Variants in GHR observed in about 807,000 individuals in gnomAD.
GHR encodes GH receptor.
A neutral mutation model predicts 67.1 loss-of-function variants in GHR; 35 were observed. That is an observed-to-expected ratio of 0.52 (90% CI 0.40 to 0.69). GHR has a LOEUF of 0.69. GHR is among the 30% of genes least tolerant of loss of function. The pLI, the probability that GHR is intolerant of heterozygous loss-of-function variation, is 0.00. For synonymous variants in GHR, 272 were observed against 269.1 expected, an observed-to-expected ratio of 1.01 and a Z score of -0.10; for missense variants, 792 against 764.6, an observed-to-expected ratio of 1.04 and a Z score of -0.42.
chr5:42,551,016 AGG>A (rs1454686066), intron 1 of GHR, among the ~76,000 whole-genome samples: 1 of 152,198 alleles, frequency 6.6e-6, no homozygotes, highest in East Asian at 1.9e-4. Context: ...GATGTTCCTG[AGG>A]TGGAAAGAGA....
chr5:42,514,135 A>G (rs1051777994), intron 1 of GHR: 1 of 984,692 alleles, frequency 1.0e-6, no homozygotes, highest in Admixed American at 6.1e-5. Flanking sequence ...TGGCTAAAAT[A>G]AAACATTTGC....
chr5:42,521,545 C>T (rs1020554633), intron 1 of GHR, among the ~76,000 whole-genome samples: 1 of 152,218 alleles, frequency 6.6e-6, no homozygotes, highest in Non-Finnish European at 1.5e-5. Context: ...CAGATCTTCT[C>T]TGAAACATTT....
intron 1 of GHR, among the ~76,000 whole-genome samples, chr5:42,511,834 C>G (rs983007609): frequency 6.6e-6 from 1 of 152,090 alleles, no homozygotes; most frequent in Non-Finnish European, 1.5e-5. Flanking sequence ...AATATTTCAG[C>G]AATAAAGTCT....
intron 1 of GHR, among the ~76,000 whole-genome samples, chr5:42,562,327 A>G (rs772690766): frequency 3.3e-5 from 5 of 152,164 alleles, no homozygotes; most frequent in African/African-American, 4.8e-5. Context: ...CACTGAGCCA[A>G]CATCAGTGGA....
intron 1 of GHR, among the ~76,000 whole-genome samples, chr5:42,438,893 AAAAT>A (rs1336277170): frequency 6.6e-6 from 1 of 152,334 alleles, no homozygotes; most frequent in Non-Finnish European, 1.5e-5. Context: ...CTACTCCTAG[AAAAT>A]AAATATTTGC....
At chr5:42,566,862 C>G (rs1310228846) in intron 2 of GHR, among the ~76,000 whole-genome samples, 1 of 152,152 alleles carries the variant, frequency 6.6e-6, no homozygotes, top group Admixed American at 6.6e-5. Context: ...TTAAGATGTC[C>G]TCCCTGACCT....
intron 2 of GHR, among the ~76,000 whole-genome samples, chr5:42,595,302 A>G (rs1752007328): frequency 6.6e-6 from 1 of 152,236 alleles, no homozygotes; most frequent in Admixed American, 6.5e-5. Context: ...GGCAAAATGT[A>G]TAATATCTGT....
intron 1 of GHR, among the ~76,000 whole-genome samples, chr5:42,538,902 T>C (rs752099266): frequency 1.3e-5 from 2 of 152,180 alleles, no homozygotes; most frequent in Non-Finnish European, 2.9e-5. Context: ...CTTTGTTGAA[T>C]TGGGTTAATT....
chr5:42,484,810 A>G (rs1421850039), intron 1 of GHR, among the ~76,000 whole-genome samples: 4 of 152,344 alleles, frequency 2.6e-5, no homozygotes, highest in East Asian at 1.9e-4. Context: ...GCAGTTTCCT[A>G]TGGAAATGGA....
In GHR at chr5:42,668,575, A is replaced by G. The variant is rs142625143; in HGVS notation, c.137-20315A>G. On this transcript the variant is annotated intron_variant, in intron 3 of 9. Transcript: ENST00000230882. ...GACACAGCTGTCTTACCGCACTAAT[A>G]TAGACCTGAAAAAAATAAAAAATTA... Among the ~76,000 whole-genome samples the G allele has an allele frequency of 3.3e-3, 500 of 152,298 alleles. 2 individuals carry two copies. The highest frequency in any genetic ancestry group is 0.011 in the African/African-American group (456 of 41,562).
intron 1 of GHR, among the ~76,000 whole-genome samples, chr5:42,536,131 T>G (rs535941665): frequency 6.6e-6 from 1 of 152,228 alleles, no homozygotes; most frequent in Middle Eastern, 3.4e-3. Context: ...TGACTTCCTT[T>G]TTACCAATTT....
intron 1 of GHR, among the ~76,000 whole-genome samples, chr5:42,562,713 C>T (rs1244108507): frequency 2.1e-5 from 3 of 141,764 alleles, no homozygotes; most frequent in South Asian, 2.2e-4. Flanking sequence ...TGCAGTGGCG[C>T]GATCTCGACT....
At chr5:42,594,179 C>G (rs1234659834) in intron 2 of GHR, among the ~76,000 whole-genome samples, 1 of 152,188 alleles carries the variant, frequency 6.6e-6, no homozygotes, top group Non-Finnish European at 1.5e-5. Flanking sequence ...GACTTCTAGA[C>G]CAGCAGTTCC....
chr5:42,509,449 G>T (rs1746919252), intron 1 of GHR, among the ~76,000 whole-genome samples: 2 of 152,048 alleles, frequency 1.3e-5, no homozygotes, highest in African/African-American at 4.8e-5. Flanking sequence ...ACTGCAAAAA[G>T]CCCAGAAGTA....
At chr5:42,657,398 G>A (rs2112846991) in intron 3 of GHR, among the ~76,000 whole-genome samples, 1 of 152,266 alleles carries the variant, frequency 6.6e-6, no homozygotes, top group African/African-American at 2.4e-5. Context: ...TTTAATGCCA[G>A]AAATGAATAC....
At chr5:42,467,132 C>A in intron 1 of GHR, 1 of 1,599,002 alleles carries the variant, frequency 6.3e-7, no homozygotes, top group Non-Finnish European at 8.6e-7. Context: ...TCATTACACA[C>A]AAAAGGAAGA....
chr5:42,424,542 T>TG lies in GHR; in HGVS notation c.-12+589dup. The TG allele has an allele frequency of 6.6e-7, 1 of 1,525,276 alleles. No homozygotes were observed. Among genetic ancestry groups the TG allele is most frequent in the Non-Finnish European group, 8.8e-7 (1 of 1,137,784 alleles). The allele number at this position is 1,525,276 out of a possible 1,614,324, so 94.5% of individuals were successfully genotyped here. ...GTTTGTGCGGGCCGCAGCCGCACGT[T>TG]GGCACCGATGGAACTGGGGTCAGTA... On this transcript the variant is annotated intron_variant, in intron 1 of 9. Coordinates refer to ENST00000230882, the MANE Select transcript of GHR (RefSeq NM_000163.5). The surrounding 1 kb of genome is among the most constrained non-coding windows in gnomAD (Gnocchi z 4.1).
chr5:42,600,918 CT>C (rs933355797), intron 2 of GHR, among the ~76,000 whole-genome samples: 1,666 of 66,688 alleles, frequency 0.025, 12 homozygotes, highest in East Asian at 0.072. Flanking sequence ...TCTTTCTATT[CT>C]TTTTTTTTTT....
intron 3 of GHR, among the ~76,000 whole-genome samples, chr5:42,656,788 A>G (rs934436999): frequency 9.9e-5 from 15 of 152,240 alleles, no homozygotes; most frequent in Admixed American, 2.6e-4. Context: ...ATTTAGACCC[A>G]ATCTCTGTGT....
Sources: allele counts gnomAD v4.1 joint callset (sites outside exome capture counted in the v4.1 genomes callset), GRCh38; gene constraint gnomAD v4.1.1; non-coding constraint Gnocchi (gnomAD v3.1); transcripts MANE v1.5; gene names NCBI Gene and HGNC (gene_info 2026-07-23, HGNC 2026-07-21).